Variants in BCAR3 observed in about 807,000 individuals in gnomAD.
BCAR3 encodes the protein BCAR3 adaptor protein, NSP family member, also known as breast cancer anti-estrogen resistance protein 3.
Under a neutral mutation model 80.1 loss-of-function variants are expected in BCAR3, and 37 were observed. That is an observed-to-expected ratio of 0.46 (90% CI 0.36 to 0.61). BCAR3 has a LOEUF of 0.61. Among genes scored for constraint, BCAR3 ranks in the 20% least tolerant of loss-of-function variants. The probability of loss-of-function intolerance (pLI) is 0.00; values close to 1 mark genes in which losing one functional copy is unlikely to be tolerated. For synonymous variants in BCAR3, 389 were observed against 418.9 expected, an observed-to-expected ratio of 0.93 and a Z score of 0.87; for missense variants, 978 against 1,068.2, an observed-to-expected ratio of 0.92 and a Z score of 1.18.
chr1:93,645,277 G>GA (rs567597016), intron 2 of BCAR3, among the ~76,000 whole-genome samples: 191 of 145,788 alleles, frequency 1.3e-3, no homozygotes, highest in South Asian at 7.8e-3. Context: ...TTTCAAGGGG[G>GA]AAAAAAAAAA....
At chr1:93,739,443 A>T (rs973448880) in intron 2 of BCAR3, among the ~76,000 whole-genome samples, 3 of 152,244 alleles carry the variant, frequency 2.0e-5, no homozygotes, top group African/African-American at 7.2e-5. Flanking sequence ...TTATGTTTTA[A>T]TCTTTTAATA....
intron 2 of BCAR3, among the ~76,000 whole-genome samples, chr1:93,707,966 A>G (rs2101977608): frequency 6.6e-6 from 1 of 152,322 alleles, no homozygotes; most frequent in East Asian, 1.9e-4. Context: ...AGTGTGTAAA[A>G]GCAATGGATC....
intron 7 of BCAR3, among the ~76,000 whole-genome samples, chr1:93,581,555 C>T (rs779014828): frequency 1.3e-5 from 2 of 152,044 alleles, no homozygotes; most frequent in African/African-American, 4.8e-5. Flanking sequence ...GGATTACAGG[C>T]GTGTACCATC....
intron 2 of BCAR3, among the ~76,000 whole-genome samples, chr1:93,790,456 C>T (rs1005456053): frequency 1.3e-5 from 2 of 151,984 alleles, no homozygotes; most frequent in Non-Finnish European, 2.9e-5. Flanking sequence ...GGGTTGAGTT[C>T]CAATTCCCAA....
intron 3 of BCAR3, among the ~76,000 whole-genome samples, chr1:93,606,546 G>A (rs1210783874): frequency 6.6e-6 from 1 of 152,172 alleles, no homozygotes; most frequent in Non-Finnish European, 1.5e-5. Context: ...AAATGCACGA[G>A]GGCATAGTGG....
intron 2 of BCAR3, among the ~76,000 whole-genome samples, chr1:93,788,389 AT>A (rs2100770746): frequency 6.6e-6 from 1 of 152,008 alleles, no homozygotes; most frequent in African/African-American, 2.4e-5. Flanking sequence ...TCATTGTGTT[AT>A]TGTTTTATAG....
At chr1:93,836,816 C>T (rs912709629) in intron 2 of BCAR3, among the ~76,000 whole-genome samples, 29 of 152,248 alleles carry the variant, frequency 1.9e-4, no homozygotes, top group African/African-American at 6.7e-4. Flanking sequence ...TCCTGCCCCA[C>T]CTTAACTGAG....
chr1:93,584,737 G>A (rs7543098), intron 5 of BCAR3, among the ~76,000 whole-genome samples: 32,475 of 152,240 alleles, frequency 0.21, 3,966 homozygotes, highest in African/African-American at 0.31. Flanking sequence ...CAGCAGTTGG[G>A]AGGCACACTG....
At chr1:93,593,963 A>C (rs1674316617) in intron 3 of BCAR3, among the ~76,000 whole-genome samples, 1 of 152,150 alleles carries the variant, frequency 6.6e-6, no homozygotes, top group Non-Finnish European at 1.5e-5. Flanking sequence ...AGAGATGCGG[A>C]CGCTGGCTGT....
chr1:93,565,524 C>G (rs942059700), intron 11 of BCAR3, among the ~76,000 whole-genome samples: 1 of 152,190 alleles, frequency 6.6e-6, no homozygotes, highest in Non-Finnish European at 1.5e-5. Flanking sequence ...CTGAAAAATT[C>G]CATCAGTGAC....
rs1365929982 is a variant in BCAR3, at chr1:93,795,151, G to A, written c.-63+50416C>T. 1.4e-4 allele frequency among the ~76,000 whole-genome samples: 12 copies of A among 84,726 alleles called. 1 individual carries two copies. The highest frequency in any genetic ancestry group is 4.0e-4 in the Admixed American group (3 of 7,464). The allele number at this position is 84,726 out of a possible 152,430, so 55.6% of individuals were successfully genotyped here. A position where few individuals can be genotyped will look rare whatever the true frequency, so the allele number is the denominator to read the frequency against. The stretch of plus-strand genomic sequence containing the variant: ...TATGTGTCTTGGAGTTGCTCTTCTC[G>A]AGGAGTACCTTTGTGGCGTTCTCTG... On this transcript the variant is annotated intron_variant, in intron 2 of 13. Coordinates refer to the BCAR3 transcript ENST00000370244.
At chr1:93,582,988 T>C in intron 6 of BCAR3, 35 bp from the exon 7 acceptor site, 5 of 1,546,122 alleles carry the variant, frequency 3.2e-6, no homozygotes, top group Non-Finnish European at 3.5e-6. Context: ...AGAAAGCTCA[T>C]CTGTGTGGAG....
Position 93,661,133 on chromosome 1 carries a change from G to A in BCAR3, c.317+13481C>T, listed in dbSNP as rs529130153. 9.2e-5 allele frequency among the ~76,000 whole-genome samples: 14 copies of A among 151,952 alleles called. 1 individual carries two copies. Among genetic ancestry groups the A allele is most frequent in the African/African-American group, 2.7e-4 (11 of 41,426 alleles). Reference sequence around the variant, plus strand: ...CCGCTCACCACAACCTCCGCCTCCCGGGTTCAAGTGATTCTCCTGCCTCAG... The same window carrying A: ...CCGCTCACCACAACCTCCGCCTCCCAGGTTCAAGTGATTCTCCTGCCTCAG... On this transcript the variant is annotated intron_variant, in intron 2 of 11. Coordinates refer to ENST00000260502, the MANE Select transcript of BCAR3 (RefSeq NM_003567.4).
intron 3 of BCAR3, among the ~76,000 whole-genome samples, chr1:93,595,126 T>C (rs1003811876): frequency 2.0e-5 from 3 of 152,136 alleles, no homozygotes; most frequent in East Asian, 1.9e-4. Flanking sequence ...CAGGGTACTA[T>C]AGGAGGTAGG....
chr1:93,575,775 C>T (rs1412439013), intron 8 of BCAR3, among the ~76,000 whole-genome samples: 1 of 152,222 alleles, frequency 6.6e-6, no homozygotes, highest in Non-Finnish European at 1.5e-5. Flanking sequence ...TCTCCATCCA[C>T]TCCTCCAGGA....
intron 2 of BCAR3, among the ~76,000 whole-genome samples, chr1:93,841,027 C>A (rs907551030): frequency 1.3e-5 from 2 of 152,142 alleles, no homozygotes; most frequent in African/African-American, 4.8e-5. Flanking sequence ...GAAAACCACA[C>A]AGAAAATTAT....
chr1:93,761,723 G>A (rs1489010199), intron 2 of BCAR3, among the ~76,000 whole-genome samples: 2 of 152,052 alleles, frequency 1.3e-5, no homozygotes, highest in Non-Finnish European at 2.9e-5. Flanking sequence ...ACTTTCATGG[G>A]TAATCTGAAC....
intron 2 of BCAR3, chr1:93,845,502 A>ATATATATATATATCTATATCTTGTCAAG: frequency 8.8e-6 from 1 of 113,820 alleles, no homozygotes; most frequent in Non-Finnish European, 1.8e-5. Context: ...ATATATATAT[A>ATATATATATATATCTATATCTTGTCAAG]AAACTTTGTT....
chr1:93,601,076 C>T (rs1421882582), intron 3 of BCAR3, among the ~76,000 whole-genome samples: 1 of 152,154 alleles, frequency 6.6e-6, no homozygotes, highest in Non-Finnish European at 1.5e-5. Flanking sequence ...TTTCTCTATG[C>T]ATAAGGAGTG....
Sources: allele counts gnomAD v4.1 joint callset (sites outside exome capture counted in the v4.1 genomes callset), GRCh38; gene constraint gnomAD v4.1.1; transcripts MANE v1.5; gene names NCBI Gene and HGNC (gene_info 2026-07-23, HGNC 2026-07-21).